The following MAP3K2 variants were observed in gnomAD, a reference collection of about 807,000 sequenced individuals.
MAP3K2 encodes the protein MAP/ERK kinase kinase 2.
Under a neutral mutation model 80.3 loss-of-function variants are expected in MAP3K2, and 24 were observed. The observed-to-expected ratio is 0.30, with a 90% CI of 0.22 to 0.42. The LOEUF is 0.42. Among genes scored for constraint, MAP3K2 ranks in the 10% least tolerant of loss-of-function variants. MAP3K2 has a pLI of 1.00. For missense variants in MAP3K2, 608 were observed against 750.1 expected, an observed-to-expected ratio of 0.81 and a Z score of 2.21; for synonymous variants, 244 against 253.7, an observed-to-expected ratio of 0.96 and a Z score of 0.36.
chr2:127,312,253 T>C (rs913470551), intron 15 of MAP3K2, among the ~76,000 whole-genome samples: 1 of 152,170 alleles, frequency 6.6e-6, no homozygotes, highest in Non-Finnish European at 1.5e-5. Flanking sequence ...GTGGTCTAGT[T>C]TGTAAAACAA....
At chr2:127,314,964 A>C in intron 14 of MAP3K2, 81 bp from the exon 15 acceptor site, 1 of 1,001,196 alleles carries the variant, frequency 1.0e-6, no homozygotes. Context: ...ATCAGTAAAG[A>C]GGGCAGGAAT....
chr2:127,312,599 T>TCC (rs1685826705), intron 15 of MAP3K2, among the ~76,000 whole-genome samples: 1 of 152,092 alleles, frequency 6.6e-6, no homozygotes, highest in African/African-American at 2.4e-5. Flanking sequence ...AGGTTGAGGC[T>TCC]TCAGTGAGCC....
At chr2:127,379,240 A>G (rs1687207637) in intron 1 of MAP3K2, among the ~76,000 whole-genome samples, 1 of 152,080 alleles carries the variant, frequency 6.6e-6, no homozygotes, top group Non-Finnish European at 1.5e-5. Flanking sequence ...TAAATAAGAG[A>G]GCTTCTTTGT....
Position 127,302,127 on chromosome 2 carries a change from AG to A in MAP3K2, c.*5451del, listed in dbSNP as rs1685604213. On this transcript the variant is annotated 3_prime_UTR_variant, in exon 17 of 17. Transcript: ENST00000682094. ...GCAGAATTTCAGTTCCAAAAAGTTC[AG>A]GAAGAACTATGTAAAATCAATTACT... 1 of 152,242 alleles carries A rather than the reference AG, an allele frequency of 6.6e-6. No individual in the cohort carries two copies. The highest frequency in any genetic ancestry group is 6.5e-5 in the Admixed American group (1 of 15,276). 9.4% of individuals were successfully genotyped at this position (152,242 alleles called of 1,614,324 possible).
chr2:127,330,905 T>C (rs1686244075), intron 5 of MAP3K2, among the ~76,000 whole-genome samples: 1 of 152,196 alleles, frequency 6.6e-6, no homozygotes, highest in Admixed American at 6.5e-5. Flanking sequence ...CAGTTCTTTT[T>C]TCAATAGTAA....
At chr2:127,357,287 T>C (rs1686813421) in intron 1 of MAP3K2, among the ~76,000 whole-genome samples, 2 of 152,184 alleles carry the variant, frequency 1.3e-5, no homozygotes, top group African/African-American at 2.4e-5. Flanking sequence ...AAATTTACAT[T>C]GACAGTCTGG....
chr2:127,324,757 T>C (rs1686096128), intron 9 of MAP3K2, among the ~76,000 whole-genome samples: 3 of 152,202 alleles, frequency 2.0e-5, no homozygotes, highest in Admixed American at 2.0e-4. Context: ...TAAATGTGCA[T>C]TCCCACGCAA....
chr2:127,300,015 GATTTT>G lies in MAP3K2; in HGVS notation c.*7559_*7563del, dbSNP rs1685560568. 6.6e-6 allele frequency: 1 copy of G among 151,936 alleles called. No individual in the cohort carries two copies. Among genetic ancestry groups the G allele is most frequent in the South Asian group, 2.1e-4 (1 of 4,820 alleles). 9.4% of individuals were successfully genotyped at this position (151,936 alleles called of 1,614,324 possible). A position where few individuals can be genotyped will look rare whatever the true frequency, so the allele number is the denominator to read the frequency against. On this transcript the variant is annotated 3_prime_UTR_variant, in exon 17 of 17. Transcript: ENST00000682094. ...AAAGCATACTTTCAACTTAGTAATGGATTTTATAATACATTATAAAATTTTCTAAT... is the reference window on the plus strand; with the variant it reads ...AAAGCATACTTTCAACTTAGTAATGGATAATACATTATAAAATTTTCTAAT...
chr2:127,354,286 G>GAAAAA, intron 1 of MAP3K2, among the ~76,000 whole-genome samples: 1 of 84,276 alleles, frequency 1.2e-5, no homozygotes, highest in Non-Finnish European at 2.6e-5. Context: ...AAAAAAAAAA[G>GAAAAA]AGTGCATGCT....
intron 1 of MAP3K2, among the ~76,000 whole-genome samples, chr2:127,380,231 C>T (rs72848621): frequency 6.6e-5 from 10 of 152,044 alleles, no homozygotes; most frequent in African/African-American, 1.2e-4. Context: ...TACTACTGAA[C>T]GACACATCAA....
At chr2:127,332,984 A>G (rs1686287887) in intron 5 of MAP3K2, among the ~76,000 whole-genome samples, 1 of 151,794 alleles carries the variant, frequency 6.6e-6, no homozygotes, top group African/African-American at 2.4e-5. Context: ...ACAAAAATTA[A>G]CAAGGTATGG....
chr2:127,345,414 T>C (rs900479015), intron 1 of MAP3K2, among the ~76,000 whole-genome samples: 8 of 152,098 alleles, frequency 5.3e-5, no homozygotes, highest in Non-Finnish European at 2.9e-5. Context: ...AGAAACACAA[T>C]TCAAAAATAA....
intron 1 of MAP3K2, among the ~76,000 whole-genome samples, chr2:127,356,173 C>G (rs1607437): frequency 0.09 from 13,704 of 152,076 alleles, 853 homozygotes; most frequent in African/African-American, 0.17. Flanking sequence ...CTTTCAAACT[C>G]CTGTTAATGT....
chr2:127,357,532 T>C (rs1686817340), intron 1 of MAP3K2, among the ~76,000 whole-genome samples: 1 of 152,142 alleles, frequency 6.6e-6, no homozygotes, highest in African/African-American at 2.4e-5. Flanking sequence ...GTGAAGGACC[T>C]AGAAATTCTA....
rs1358194431 is a variant in MAP3K2 at position 127,364,231 on chromosome 2, T to G, written c.-65-21037A>C. Among the ~76,000 whole-genome samples, 1 of 152,030 alleles carries G rather than the reference T, an allele frequency of 6.6e-6. No individual in the cohort carries two copies. Among genetic ancestry groups the G allele is most frequent in the Non-Finnish European group, 1.5e-5 (1 of 68,008 alleles). On this transcript the variant is annotated intron_variant, in intron 1 of 16. Transcript: ENST00000682094. The surrounding 1 kb of genome is among the most constrained non-coding windows in gnomAD (Gnocchi z 4.1). ...TAGTAAATCTTACTACTAATTTGCA[T>G]CTCAAAACAATTTACCCAGGAAACC...
At chr2:127,371,747 G>A (rs1220385775) in intron 1 of MAP3K2, among the ~76,000 whole-genome samples, 4 of 152,154 alleles carry the variant, frequency 2.6e-5, no homozygotes, top group Non-Finnish European at 4.4e-5. Context: ...TGGAGAGGCA[G>A]GTCATATGAA....
chr2:127,340,139 T>C (rs1686448868), intron 2 of MAP3K2, among the ~76,000 whole-genome samples: 2 of 152,232 alleles, frequency 1.3e-5, no homozygotes, highest in African/African-American at 4.8e-5. Flanking sequence ...ATGGTTGCCA[T>C]GGTTTTATTG....
intron 1 of MAP3K2, among the ~76,000 whole-genome samples, chr2:127,362,331 C>T (rs1045481149): frequency 6.6e-6 from 1 of 152,054 alleles, no homozygotes; most frequent in Non-Finnish European, 1.5e-5. Flanking sequence ...GGAAGTTAAA[C>T]GTTTAAGTTA....
upstream of MAP3K2, chr2:127,388,117 A>C: frequency 1.0e-6 from 1 of 984,330 alleles, no homozygotes; most frequent in African/African-American, 1.8e-5. Flanking sequence ...CCACGCCCAC[A>C]CACAGGCCAC....
Sources: allele counts gnomAD v4.1 joint callset (sites outside exome capture counted in the v4.1 genomes callset), GRCh38; gene constraint gnomAD v4.1.1; non-coding constraint Gnocchi (gnomAD v3.1); transcripts MANE v1.5; gene names NCBI Gene and HGNC (gene_info 2026-07-23, HGNC 2026-07-21).